The following OPCML variants were observed in gnomAD, a reference collection of about 807,000 sequenced individuals.
OPCML encodes opioid binding protein/cell adhesion molecule like, also known as opioid-binding protein/cell adhesion molecule.
OPCML carries 13 observed loss-of-function variants against 37.8 expected under a neutral mutation model. The observed-to-expected ratio is 0.34, with a 90% CI of 0.22 to 0.55. The LOEUF is 0.55. Ranked by LOEUF, OPCML falls within the 20% of genes least tolerant of loss-of-function variation. The pLI is 0.91. For synonymous variants in OPCML, 176 were observed against 168.8 expected, an observed-to-expected ratio of 1.04 and a Z score of -0.33; for missense variants, 341 against 435.6, an observed-to-expected ratio of 0.78 and a Z score of 1.93.
intron 3 of OPCML, among the ~76,000 whole-genome samples, chr11:132,596,945 C>A (rs576828002): frequency 6.6e-6 from 1 of 152,274 alleles, no homozygotes; most frequent in African/African-American, 2.4e-5. Flanking sequence ...TACAGCATAC[C>A]TCCTTGAAGC....
chr11:133,006,150 T>C, intron 1 of OPCML: 2 of 981,870 alleles, frequency 2.0e-6, no homozygotes, highest in Non-Finnish European at 2.4e-6. Flanking sequence ...CTGGAGAAGC[T>C]CCAACCTACT....
At chr11:132,910,977 T>C (rs537991056) in intron 2 of OPCML, among the ~76,000 whole-genome samples, 7 of 152,310 alleles carry the variant, frequency 4.6e-5, no homozygotes, top group African/African-American at 1.7e-4. Context: ...ATGGAGATCA[T>C]TTAGCACAAA....
At chr11:132,599,360 A>AAGGAGGAGG (rs1414170764) in intron 3 of OPCML, among the ~76,000 whole-genome samples, 1 of 116,306 alleles carries the variant, frequency 8.6e-6, no homozygotes, top group Non-Finnish European at 1.6e-5. Flanking sequence ...GAAGGAGGAG[A>AAGGAGGAGG]AGGAGGAGGA....
intron 1 of OPCML, among the ~76,000 whole-genome samples, chr11:133,126,856 G>T (rs955998358): frequency 2.6e-5 from 4 of 152,146 alleles, no homozygotes; most frequent in African/African-American, 9.7e-5. Flanking sequence ...TGACAAAGGG[G>T]TAGCAATGGA....
At chr11:133,030,675 G>C (rs1947648980) in intron 1 of OPCML, among the ~76,000 whole-genome samples, 1 of 152,180 alleles carries the variant, frequency 6.6e-6, no homozygotes, top group African/African-American at 2.4e-5. Context: ...TAATATGCTA[G>C]CTAGAATATT....
intron 3 of OPCML, among the ~76,000 whole-genome samples, chr11:132,623,714 C>T (rs1023466645): frequency 7.2e-5 from 11 of 152,116 alleles, no homozygotes; most frequent in Admixed American, 3.3e-4. Flanking sequence ...AGGTCTGATG[C>T]CCCTGGCACA....
intron 1 of OPCML, among the ~76,000 whole-genome samples, chr11:133,143,376 C>T (rs1440182885): frequency 2.0e-5 from 3 of 152,150 alleles, no homozygotes; most frequent in Non-Finnish European, 4.4e-5. Flanking sequence ...CCTCTCCTCT[C>T]CCATTCTCTA....
chr11:133,140,590 G>A (rs1949764423), intron 1 of OPCML, among the ~76,000 whole-genome samples: 6 of 129,482 alleles, frequency 4.6e-5, no homozygotes, highest in African/African-American at 1.1e-4. Flanking sequence ...GAAGAAAAAA[G>A]AAAGAAGAAA....
chr11:133,495,998 T>C (rs780332383), intron 1 of OPCML, among the ~76,000 whole-genome samples: 12 of 152,220 alleles, frequency 7.9e-5, no homozygotes, highest in Non-Finnish European at 1.5e-4. Flanking sequence ...GGAAGGGTTT[T>C]ACCAACGTTA....
intron 2 of OPCML, among the ~76,000 whole-genome samples, chr11:132,706,953 T>C (rs948743303): frequency 6.6e-6 from 1 of 152,236 alleles, no homozygotes; most frequent in African/African-American, 2.4e-5. Flanking sequence ...AACACATAAT[T>C]ATCCTCATTT....
chr11:133,034,039 A>G (rs939467467), intron 1 of OPCML, among the ~76,000 whole-genome samples: 3 of 152,164 alleles, frequency 2.0e-5, no homozygotes, highest in Non-Finnish European at 4.4e-5. Flanking sequence ...GTTGCGATGG[A>G]AACAAGTATA....
intron 2 of OPCML, among the ~76,000 whole-genome samples, chr11:132,881,607 C>A (rs1943226707): frequency 6.9e-6 from 1 of 144,392 alleles, no homozygotes; most frequent in African/African-American, 2.5e-5. Flanking sequence ...TAGGCAAGAT[C>A]CCAAATTTAA....
chr11:133,086,370 A>AT lies in OPCML; in HGVS notation c.62-143361dup, dbSNP rs573389860. The stretch of plus-strand genomic sequence containing the variant: ...GGACATCAACTTTTTTATGTCTTCA[A>AT]TTTTTTTCTCTGAGCTTCCTACAAC... On this transcript the variant is annotated intron_variant, in intron 1 of 7. Coordinates refer to ENST00000524381, the MANE Select transcript of OPCML (RefSeq NM_001012393.5). Among the ~76,000 whole-genome samples the AT allele has an allele frequency of 8.5e-5, 13 of 152,064 alleles. No individual in the cohort carries two copies. The East Asian group carries it at 2.1e-3, about 25-fold the overall frequency.
intron 3 of OPCML, among the ~76,000 whole-genome samples, chr11:132,650,259 G>C (rs544545600): frequency 1.3e-5 from 2 of 152,154 alleles, no homozygotes; most frequent in African/African-American, 4.8e-5. Context: ...AGAAATAGTA[G>C]GAACAATGGC....
chr11:132,644,465 C>G (rs1351807374), intron 3 of OPCML, among the ~76,000 whole-genome samples: 3 of 151,512 alleles, frequency 2.0e-5, no homozygotes, highest in African/African-American at 7.3e-5. Context: ...AATAATCTAT[C>G]TGAACAGAAA....
chr11:133,131,696 C>T (rs1435778829), intron 1 of OPCML, among the ~76,000 whole-genome samples: 2 of 152,174 alleles, frequency 1.3e-5, no homozygotes, highest in Non-Finnish European at 2.9e-5. Context: ...CTTATGTCCA[C>T]ATAAAAACCT....
chr11:132,772,206 C>T (rs2136125668), intron 2 of OPCML: 1 of 152,298 alleles, frequency 6.6e-6, no homozygotes, highest in African/African-American at 2.4e-5. Context: ...AAATAACTAG[C>T]AACTACTATT....
chr11:133,001,874 G>A (rs921344194), intron 1 of OPCML, among the ~76,000 whole-genome samples: 30 of 152,226 alleles, frequency 2.0e-4, no homozygotes, highest in Admixed American at 1.5e-3. Context: ...GATCTGGCAA[G>A]AGTATTTATT....
Position 132,603,618 on chromosome 11 carries a change from T to C in OPCML, c.379+53469A>G, listed in dbSNP as rs556770165. On this transcript the variant is annotated intron_variant, in intron 3 of 7. Transcript: ENST00000524381. ...TCTAAATATAATCTGAACTGTATAA[T>C]TGCCCAGCTTAAAAACCTTTTGGTG... is the stretch of plus-strand genomic sequence containing the variant. Among the ~76,000 whole-genome samples, 52 of 152,322 alleles carry C rather than the reference T, an allele frequency of 3.4e-4. 1 individual carries two copies. The highest frequency in any genetic ancestry group is 1.2e-3 in the African/African-American group (49 of 41,572).
Sources: allele counts gnomAD v4.1 joint callset (sites outside exome capture counted in the v4.1 genomes callset), GRCh38; gene constraint gnomAD v4.1.1; transcripts MANE v1.5; gene names NCBI Gene and HGNC (gene_info 2026-07-23, HGNC 2026-07-21).